Variants in DLGAP1 observed in about 807,000 individuals in gnomAD.
DLGAP1 encodes the protein disks large-associated protein 1.
Under a neutral mutation model 90.8 loss-of-function variants are expected in DLGAP1, and 11 were observed. That is an observed-to-expected ratio of 0.12 (90% CI 0.08 to 0.20). The LOEUF (loss-of-function observed/expected upper bound fraction) is 0.20, where lower values mean the gene tolerates loss of function less well. DLGAP1 is among the 10% of genes least tolerant of loss of function. The probability of loss-of-function intolerance (pLI) is 1.00; values close to 1 mark genes in which losing one functional copy is unlikely to be tolerated. For synonymous variants in DLGAP1, 558 were observed against 540.7 expected (o/e 1.03, Z -0.44); for missense variants, 1,050 against 1,333.8 (o/e 0.79, Z 3.31).
intron 7 of DLGAP1, among the ~76,000 whole-genome samples, chr18:3,641,533 G>A (rs1456043962): frequency 9.2e-5 from 9 of 97,756 alleles, no homozygotes; most frequent in East Asian, 5.4e-4. Flanking sequence ...GCAAAACTCC[G>A]TCTCAAAAAA....
chr18:3,545,708 C>G (rs1286692478), intron 9 of DLGAP1, among the ~76,000 whole-genome samples: 1 of 151,832 alleles, frequency 6.6e-6, no homozygotes, highest in Non-Finnish European at 1.5e-5. Context: ...ATTACAAAAA[C>G]TAAACTAAAC....
At position 3,496,533 on chromosome 18, in the gene DLGAP1, T is replaced by C. The variant is rs1022793330; in HGVS notation, c.*2652A>G. On this transcript the variant is annotated 3_prime_UTR_variant, in exon 13 of 13. Coordinates refer to ENST00000315677, the MANE Select transcript of DLGAP1 (RefSeq NM_004746.4). ...TGCAAAAAATATAATAAATACTTAA[T>C]TTCTTTGAACGTTTTTTGATGTGGG... 2 of 152,134 alleles carry C rather than the reference T, an allele frequency of 1.3e-5. No individual in the cohort carries two copies. Among genetic ancestry groups the C allele is most frequent in the African/African-American group, 4.8e-5 (2 of 41,368 alleles). 9.4% of individuals were successfully genotyped at this position (152,134 alleles called of 1,614,324 possible).
chr18:4,375,965 T>C (rs1456019933), intron 1 of DLGAP1, among the ~76,000 whole-genome samples: 1 of 152,202 alleles, frequency 6.6e-6, no homozygotes, highest in Non-Finnish European at 1.5e-5. Context: ...TATAGACATT[T>C]GGCAAACACA....
intron 1 of DLGAP1, among the ~76,000 whole-genome samples, chr18:4,196,372 C>T (rs1249229929): frequency 6.6e-6 from 1 of 152,248 alleles, no homozygotes; most frequent in Non-Finnish European, 1.5e-5. Context: ...CTGCTTCCAA[C>T]TTCAAAAAAC....
intron 3 of DLGAP1, among the ~76,000 whole-genome samples, chr18:3,955,906 G>A (rs1050561520): frequency 2.0e-5 from 3 of 152,024 alleles, no homozygotes; most frequent in Non-Finnish European, 4.4e-5. Context: ...AAAACACATA[G>A]AAAAAAGAAC....
At chr18:4,423,851 T>TAAAA (rs36053501) in intron 1 of DLGAP1, among the ~76,000 whole-genome samples, 3,718 of 120,526 alleles carry the variant, frequency 0.031, 192 homozygotes, top group African/African-American at 0.11. Flanking sequence ...CCCAGGAATT[T>TAAAA]AAAAAAAAAA....
chr18:4,339,969 C>G (rs1338504177), intron 1 of DLGAP1, among the ~76,000 whole-genome samples: 1 of 152,094 alleles, frequency 6.6e-6, no homozygotes. Flanking sequence ...TCTCTTATAA[C>G]AAAGTTTTAT....
intron 2 of DLGAP1, among the ~76,000 whole-genome samples, chr18:4,056,018 G>A (rs1471888490): frequency 6.6e-6 from 1 of 152,096 alleles, no homozygotes; most frequent in Non-Finnish European, 1.5e-5. Context: ...ATGCGGGGAA[G>A]GGGAAAAATA....
At chr18:4,357,090 C>CGTGT (rs5822808) in intron 1 of DLGAP1, among the ~76,000 whole-genome samples, 17 of 144,036 alleles carry the variant, frequency 1.2e-4, no homozygotes, top group African/African-American at 4.2e-4. Context: ...TATACGTGTG[C>CGTGT]GTGTGTGTGT....
chr18:4,304,085 T>C (rs1365774550), intron 1 of DLGAP1, among the ~76,000 whole-genome samples: 2 of 152,242 alleles, frequency 1.3e-5, no homozygotes, highest in African/African-American at 2.4e-5. Flanking sequence ...GATCTTGGCA[T>C]GTACATTTTT....
rs559027175 is a variant in DLGAP1 at position 4,104,694 on chromosome 18, T to G, written c.-159+46486A>C. ...TTTTTTGAATGCAGATTACGTATAGTATACATCTCTTCTCTGTCTCTGTCT... is the reference window on the plus strand; with the variant it reads ...TTTTTTGAATGCAGATTACGTATAGGATACATCTCTTCTCTGTCTCTGTCT... On this transcript the variant is annotated intron_variant, in intron 2 of 12. Coordinates refer to ENST00000315677, the MANE Select transcript of DLGAP1 (RefSeq NM_004746.4). Among the ~76,000 whole-genome samples, 3 of 152,336 alleles carry G rather than the reference T, an allele frequency of 2.0e-5. No individual in the cohort carries two copies. In the East Asian group the frequency reaches 5.8e-4, roughly 29 times the overall value.
chr18:4,146,691 AT>A (rs2144360233), intron 2 of DLGAP1, among the ~76,000 whole-genome samples: 1 of 152,236 alleles, frequency 6.6e-6, no homozygotes, highest in South Asian at 2.1e-4. Flanking sequence ...GAAAATTTTA[AT>A]TTTCTGTTAC....
intron 1 of DLGAP1, among the ~76,000 whole-genome samples, chr18:4,410,701 T>C (rs2144606992): frequency 6.6e-6 from 1 of 152,070 alleles, no homozygotes; most frequent in East Asian, 1.9e-4. Context: ...TATATATATA[T>C]ATAATCAAAA....
chr18:3,637,998 A>C (rs1187430473), intron 7 of DLGAP1, among the ~76,000 whole-genome samples: 1 of 140,596 alleles, frequency 7.1e-6, no homozygotes, highest in Non-Finnish European at 1.5e-5. Context: ...CCAGGCTGGA[A>C]TGCAGTGGCA....
chr18:4,282,158 A>G (rs2079567114), intron 1 of DLGAP1, among the ~76,000 whole-genome samples: 1 of 152,162 alleles, frequency 6.6e-6, no homozygotes, highest in Non-Finnish European at 1.5e-5. Flanking sequence ...AGGTCAGGAG[A>G]TCGAGATCAT....
intron 7 of DLGAP1, among the ~76,000 whole-genome samples, chr18:3,599,206 ATCC>A (rs946973669): frequency 1.3e-5 from 2 of 152,200 alleles, no homozygotes; most frequent in Non-Finnish European, 2.9e-5. Flanking sequence ...ACAAACCCCC[ATCC>A]TCCTCCTCGT....
intron 9 of DLGAP1, among the ~76,000 whole-genome samples, chr18:3,554,983 G>C (rs1241054920): frequency 6.6e-6 from 1 of 151,950 alleles, no homozygotes; most frequent in African/African-American, 2.4e-5. Flanking sequence ...AAAAGGAAGA[G>C]ATAAGTTGTT....
At chr18:3,795,963 A>C (rs1466868896) in intron 5 of DLGAP1, among the ~76,000 whole-genome samples, 2 of 152,188 alleles carry the variant, frequency 1.3e-5, no homozygotes, top group Non-Finnish European at 2.9e-5. Context: ...GAGCCGCAGG[A>C]TTGGGCCAGT....
At chr18:3,929,777 C>G (rs2072475352) in intron 3 of DLGAP1, among the ~76,000 whole-genome samples, 1 of 152,142 alleles carries the variant, frequency 6.6e-6, no homozygotes. Context: ...GGTCATCTAC[C>G]CATGAGCAAA....
Sources: allele counts gnomAD v4.1 joint callset (sites outside exome capture counted in the v4.1 genomes callset), GRCh38; gene constraint gnomAD v4.1.1; transcripts MANE v1.5; gene names NCBI Gene and HGNC (gene_info 2026-07-23, HGNC 2026-07-21).